LAMA5: variants seen among roughly 807,000 people sequenced by gnomAD.
The protein encoded by LAMA5 is laminin subunit alpha 5.
In LAMA5, 260 loss-of-function variants were observed where a neutral mutation model predicts 433.4. The observed-to-expected ratio is 0.60, with a 90% CI of 0.54 to 0.66. LAMA5 has a LOEUF of 0.66. Among genes scored for constraint, LAMA5 ranks in the 30% least tolerant of loss-of-function variants. LAMA5 has a pLI of 0.00. For synonymous variants in LAMA5, 2,620 were observed against 2,226.6 expected (o/e 1.18, Z -4.97); for missense variants, 5,378 against 5,258.5 (o/e 1.02, Z -0.70).
chr20:62,342,500 A>T (rs570425891), intron 11 of LAMA5, among the ~76,000 whole-genome samples: 234 of 151,918 alleles, frequency 1.5e-3, no homozygotes, highest in Non-Finnish European at 3.1e-3. Context: ...AACACGGTGA[A>T]ACCCCATCTC....
chr20:62,320,688 G>A lies in LAMA5; in HGVS notation c.6649-19C>T, dbSNP rs1383063316. On this transcript the variant is annotated intron_variant, in intron 49 of 79. Transcript: ENST00000252999. ...GCTGGCTCTGTGGGAGGCGAAAGGT[G>A]AAGGCCTGCACTGGCCCGGGTTGGG... 1.9e-6 allele frequency: 3 copies of A among 1,611,552 alleles called. No individual in the cohort carries two copies.
intron 41 of LAMA5, chr20:62,325,088 GGGCAGGCGGATGAGGGGCA>G (rs1979019654): frequency 2.8e-5 from 8 of 285,642 alleles, no homozygotes; most frequent in African/African-American, 5.2e-5. Context: ...GTGCATGGAG[GGGCAGGCGGATGAGGGGCA>G]GGCAGGCGGA....
In LAMA5 at chr20:62,318,648, G is replaced by T; in HGVS notation, c.7045C>A (p.Leu2349Met). Residue 2349 changes from leucine (L) to methionine (M), a missense_variant and splice_region_variant, in exon 53 of 80, where the codon CTG becomes ATG. Leu to Met is a conservative substitution (Grantham distance 15). Coordinates refer to ENST00000252999, the MANE Select transcript of LAMA5 (RefSeq NM_005560.6). Reference protein sequence around the residue: ...EAELAAAQRLLARVQEQLSSL... With the variant: ...EAELAAAQRLMARVQEQLSSL... ...CTCAGCTGCTCCTGCACCCGGGCCA[G>T]CACTAGCCGAGACCAGGGTGAGGGT... The T allele has an allele frequency of 6.2e-7, 1 of 1,609,344 alleles. No individual in the cohort carries two copies. Among genetic ancestry groups the T allele is most frequent in the Non-Finnish European group, 8.5e-7 (1 of 1,178,664 alleles).
At chr20:62,346,043 C>T in intron 10 of LAMA5, 38 bp downstream of exon 10, 1 of 1,610,426 alleles carries the variant, frequency 6.2e-7, no homozygotes, top group Non-Finnish European at 8.5e-7. Flanking sequence ...GTCCAGCAGG[C>T]AGTGGTGTCT....
intron 33 of LAMA5, 35 bp from the exon 34 acceptor site, chr20:62,329,090 G>A (rs377296813): frequency 1.9e-4 from 308 of 1,611,828 alleles, no homozygotes; most frequent in Non-Finnish European, 2.4e-4. Flanking sequence ...GCCAGCTCCC[G>A]GCCCAGACCC....
chr20:62,325,918 C>G (rs1038738482), intron 40 of LAMA5, among the ~76,000 whole-genome samples: 2 of 152,166 alleles, frequency 1.3e-5, no homozygotes, highest in Non-Finnish European at 2.9e-5. Context: ...ACTATAAGGC[C>G]GTTCATCAGA....
intron 2 of LAMA5, among the ~76,000 whole-genome samples, chr20:62,353,568 C>G (rs1984701749): frequency 6.6e-6 from 1 of 152,190 alleles, no homozygotes; most frequent in African/African-American, 2.4e-5. Flanking sequence ...AGCTCTGTGG[C>G]TGCAGATGGA....
chr20:62,316,371 G>A (rs1568903945), intron 57 of LAMA5: 7 of 543,162 alleles, frequency 1.3e-5, no homozygotes, highest in Middle Eastern at 4.9e-4. Context: ...CTTGGCACGC[G>A]TGTAGCCCTC....
intron 40 of LAMA5, 58 bp downstream of exon 40, chr20:62,326,619 C>T (rs1396939963): frequency 2.1e-6 from 3 of 1,412,782 alleles, no homozygotes; most frequent in African/African-American, 2.8e-5. Context: ...CCCTTCCGGC[C>T]TTCCCAGATG....
intron 45 of LAMA5, 72 bp downstream of exon 45, chr20:62,323,384 G>A (rs1360559691): frequency 6.4e-6 from 8 of 1,243,634 alleles, no homozygotes; most frequent in Non-Finnish European, 7.7e-6. Flanking sequence ...TACTTACGGG[G>A]TACGCCCAGC....
In LAMA5 at chr20:62,318,497, T is replaced by C; in HGVS notation, c.7196A>G (p.Gln2399Arg). ...CTCCTGGTTGCGGCTGTTGAGCTCC[T>C]GGGCCTCCCGTGTGGCGTCCACTGC... ...NRAVDATREAQELNSRNQERL... is the reference protein window; with the variant it reads ...NRAVDATREARELNSRNQERL... The change falls in exon 53 of 80, where the codon CAG becomes CGG. Residue 2399 changes from glutamine (Q) to arginine (R), a missense_variant. Coordinates refer to ENST00000252999, the MANE Select transcript of LAMA5 (RefSeq NM_005560.6). 1 of 1,608,504 alleles carries C rather than the reference T, an allele frequency of 6.2e-7. No homozygotes were observed. The highest frequency in any genetic ancestry group is 8.5e-7 in the Non-Finnish European group (1 of 1,178,756).
rs149678550 is a variant in LAMA5 at position 62,326,723 on chromosome 20, T to C, written c.5252A>G (p.Tyr1751Cys). ...ACGGTGAACGTGGCCAGGCGTGGGG[T>C]ATGCCGGCTCCAGGAATGTGATGCT... is the stretch of plus-strand genomic sequence containing the variant. Reference protein sequence around the residue: ...QMSITFLEPAYPTPGHVHRGQ... With the variant: ...QMSITFLEPACPTPGHVHRGQ... Residue 1751 changes from tyrosine (Y) to cysteine (C), a missense_variant, in exon 40 of 80, where the codon TAC becomes TGC. Tyr to Cys is a radical substitution (Grantham distance 194). Transcript: ENST00000252999. 1.9e-6 allele frequency: 3 copies of C among 1,612,712 alleles called. No individual in the cohort carries two copies. The highest frequency in any genetic ancestry group is 2.5e-6 in the Non-Finnish European group (3 of 1,179,846).
intron 20 of LAMA5, 44 bp from the exon 21 acceptor site, chr20:62,334,665 C>G (rs771365330): frequency 6.7e-7 from 1 of 1,499,540 alleles, no homozygotes; most frequent in South Asian, 1.2e-5. Flanking sequence ...TGGCCCCCAC[C>G]CAGCCTCAGG....
At position 62,318,509 on chromosome 20, in the gene LAMA5, G is replaced by T; in HGVS notation, c.7184C>A (p.Thr2395Lys). 2 of 1,609,154 alleles carry T rather than the reference G, an allele frequency of 1.2e-6. No individual in the cohort carries two copies. Among genetic ancestry groups the T allele is most frequent in the Non-Finnish European group, 1.7e-6 (2 of 1,178,928 alleles). ...REALNRAVDA[T>K]REAQELNSRN... ...GCTGTTGAGCTCCTGGGCCTCCCGT[G>T]TGGCGTCCACTGCCCGGTTCAAAGC... The change falls in exon 53 of 80, where the codon ACA (threonine) becomes AAA (lysine). Residue 2395 changes from threonine (T) to lysine (K), a missense_variant. Thr to Lys is a moderately conservative substitution (Grantham distance 78). Coordinates refer to ENST00000252999, the MANE Select transcript of LAMA5 (RefSeq NM_005560.6).
chr20:62,335,608 G>A (rs186056916), intron 18 of LAMA5, among the ~76,000 whole-genome samples: 233 of 137,392 alleles, frequency 1.7e-3, no homozygotes, highest in Non-Finnish European at 2.9e-3. Flanking sequence ...ACCCTCATGG[G>A]TACAATCCCC....
intron 11 of LAMA5, among the ~76,000 whole-genome samples, chr20:62,343,740 C>T (rs1982937230): frequency 8.5e-6 from 1 of 117,098 alleles, no homozygotes; most frequent in Admixed American, 1.2e-4. Flanking sequence ...TGCAGCATTG[C>T]ACTCCAGCCT....
rs566831382 is a variant in LAMA5, at chr20:62,363,632, C to T, written c.298-1080G>A. ...GATCTGCTGTTTGTCCACACAAAGGCGCCCTCCCAGGCTTGGGGTTGATTG... is the reference window on the plus strand; with the variant it reads ...GATCTGCTGTTTGTCCACACAAAGGTGCCCTCCCAGGCTTGGGGTTGATTG... On this transcript the variant is annotated intron_variant, in intron 1 of 79. Coordinates refer to ENST00000252999, the MANE Select transcript of LAMA5 (RefSeq NM_005560.6). 3.3e-5 allele frequency among the ~76,000 whole-genome samples: 5 copies of T among 152,194 alleles called. No individual in the cohort carries two copies. In the East Asian group the frequency reaches 5.8e-4, roughly 18 times the overall value.
At chr20:62,358,861 G>C (rs1985625672) in intron 2 of LAMA5, among the ~76,000 whole-genome samples, 1 of 152,102 alleles carries the variant, frequency 6.6e-6, no homozygotes, top group Non-Finnish European at 1.5e-5. Context: ...CACTTGGAGG[G>C]GACAGCTGAC....
chr20:62,328,975 C>G lies in LAMA5; in HGVS notation c.4316G>C (p.Gly1439Ala). 6.2e-7 allele frequency: 1 copy of G among 1,612,474 alleles called. No homozygotes were observed. The highest frequency in any genetic ancestry group is 8.5e-7 in the Non-Finnish European group (1 of 1,179,752). Residue 1439 changes from glycine (G) to alanine (A), a missense_variant, in exon 34 of 80, where the codon GGC becomes GCC. By Grantham distance (60) the Gly-to-Ala change is moderately conservative (BLOSUM62 0). Coordinates refer to ENST00000252999, the MANE Select transcript of LAMA5 (RefSeq NM_005560.6). ...GCCTGTAGCACCTACTTCGTGGCAGCCACATGGACGGGCTCCGTTGTTATA... is the reference window on the plus strand; with the variant it reads ...GCCTGTAGCACCTACTTCGTGGCAGGCACATGGACGGGCTCCGTTGTTATA... ...LFYNNGARPC[G>A]CHEVGATGPT... is the part of the protein sequence containing the mutation.
Sources: allele counts gnomAD v4.1 joint callset (sites outside exome capture counted in the v4.1 genomes callset), GRCh38; gene constraint gnomAD v4.1.1; transcripts MANE v1.5; gene names NCBI Gene and HGNC (gene_info 2026-07-23, HGNC 2026-07-21).